MORN4: variants seen among roughly 807,000 people sequenced by gnomAD.
MORN4 encodes the protein MORN repeat-containing protein 4.
In MORN4, 8 loss-of-function variants were observed where a neutral mutation model predicts 16.4. That is an observed-to-expected ratio of 0.49 (90% CI 0.29 to 0.88). The LOEUF (loss-of-function observed/expected upper bound fraction) is 0.88. Ranked by LOEUF, MORN4 falls within the 40% of genes least tolerant of loss-of-function variation. The pLI is 0.09. For synonymous variants in MORN4, 53 were observed against 68.9 expected, an observed-to-expected ratio of 0.77 and a Z score of 1.14; for missense variants, 159 against 182.9, an observed-to-expected ratio of 0.87 and a Z score of 0.75.
intron 1 of MORN4, among the ~76,000 whole-genome samples, chr10:97,626,762 T>TA (rs1245183495): frequency 6.8e-6 from 1 of 147,198 alleles, no homozygotes; most frequent in Non-Finnish European, 1.5e-5. Flanking sequence ...AGATTTTTTT[T>TA]TTTTTTTTTT....
intron 1 of MORN4, among the ~76,000 whole-genome samples, chr10:97,626,399 ATAATCATAATC>A (rs768968171): frequency 2.6e-4 from 5 of 19,190 alleles, no homozygotes; most frequent in South Asian, 1.2e-3. Context: ...AATAATAATC[ATAATCATAATC>A]ATAATCATAA....
chr10:97,620,129 G>T (rs2041275437), intron 1 of MORN4, among the ~76,000 whole-genome samples: 1 of 151,858 alleles, frequency 6.6e-6, no homozygotes. Context: ...GACATGAGAT[G>T]GCCAGAATTT....
chr10:97,634,104 C>A (rs2041420959), upstream of MORN4, among the ~76,000 whole-genome samples: 1 of 152,122 alleles, frequency 6.6e-6, no homozygotes, highest in Admixed American at 6.6e-5. Context: ...AGTTCTAGAT[C>A]AGCCTGGGCA....
intron 1 of MORN4, among the ~76,000 whole-genome samples, chr10:97,629,998 T>C (rs1328532101): frequency 1.3e-5 from 2 of 148,372 alleles, no homozygotes; most frequent in Non-Finnish European, 3.0e-5. Context: ...GATCTCAGCT[T>C]ACTGCAAGCT....
At chr10:97,632,811 C>CTGGA (rs1260735206) in intron 1 of MORN4, among the ~76,000 whole-genome samples, 1 of 151,766 alleles carries the variant, frequency 6.6e-6, no homozygotes, top group Admixed American at 6.6e-5. Context: ...AATGCCAGGG[C>CTGGA]TGGACTCCGA....
At chr10:97,619,439 A>C (rs902703435) in intron 2 of MORN4, 148 bp downstream of exon 2, 3 of 684,768 alleles carry the variant, frequency 4.4e-6, no homozygotes, top group Non-Finnish European at 8.1e-6. Flanking sequence ...TTTAATCCTA[A>C]AATGGAATAA....
intron 1 of MORN4, among the ~76,000 whole-genome samples, chr10:97,625,001 A>C (rs2041335213): frequency 6.6e-6 from 1 of 152,210 alleles, no homozygotes; most frequent in African/African-American, 2.4e-5. Flanking sequence ...CATGAGCATC[A>C]GTGTTTTTAA....
chr10:97,629,860 G>A (rs186888726), intron 1 of MORN4, among the ~76,000 whole-genome samples: 33 of 152,002 alleles, frequency 2.2e-4, no homozygotes, highest in Non-Finnish European at 1.5e-4. Context: ...CCGGGTTCAA[G>A]CAATTCTCCT....
intron 2 of MORN4, among the ~76,000 whole-genome samples, chr10:97,618,795 T>C (rs949897519): frequency 1.4e-4 from 21 of 151,642 alleles, no homozygotes; most frequent in Admixed American, 3.9e-4. Context: ...TTGTTTTTTT[T>C]TTTTTTTTTC....
chr10:97,627,629 G>A (rs941741433), intron 1 of MORN4, among the ~76,000 whole-genome samples: 108 of 152,222 alleles, frequency 7.1e-4, no homozygotes, highest in African/African-American at 2.4e-3. Context: ...TTCATTTCTC[G>A]CCTAAATGAA....
At chr10:97,626,396 AT>A (rs2041347255) in intron 1 of MORN4, among the ~76,000 whole-genome samples, 2 of 14,646 alleles carry the variant, frequency 1.4e-4, no homozygotes, top group Non-Finnish European at 2.7e-4. Flanking sequence ...AATAATAATA[AT>A]CATAATCATA....
chr10:97,631,787 T>C (rs2041397780), intron 1 of MORN4, among the ~76,000 whole-genome samples: 1 of 151,962 alleles, frequency 6.6e-6, no homozygotes. Context: ...ATACAAAAAT[T>C]TGCTGGGTGT....
intron 2 of MORN4, 89 bp from the exon 3 acceptor site, chr10:97,617,411 C>A: frequency 1.1e-6 from 1 of 931,700 alleles, no homozygotes; most frequent in Non-Finnish European, 1.8e-6. Flanking sequence ...CCTGCCATCA[C>A]CCTACCCACA....
At chr10:97,631,010 C>T (rs1024612045) in intron 1 of MORN4, among the ~76,000 whole-genome samples, 4 of 152,074 alleles carry the variant, frequency 2.6e-5, no homozygotes, top group African/African-American at 9.7e-5. Flanking sequence ...GCCACGACAC[C>T]CAGCTAATTT....
At chr10:97,627,662 C>T (rs2041360602) in intron 1 of MORN4, among the ~76,000 whole-genome samples, 1 of 152,224 alleles carries the variant, frequency 6.6e-6, no homozygotes, top group South Asian at 2.1e-4. Flanking sequence ...GGAGACTCTT[C>T]TAGAGATATT....
chr10:97,624,001 G>T (rs184141136), intron 1 of MORN4, among the ~76,000 whole-genome samples: 1 of 152,034 alleles, frequency 6.6e-6, no homozygotes, highest in Non-Finnish European at 1.5e-5. Flanking sequence ...CTCCCAAAGT[G>T]CTGGGATTAC....
chr10:97,616,575 C>T, intron 4 of MORN4, 103 bp downstream of exon 4: 1 of 1,238,272 alleles, frequency 8.1e-7, no homozygotes. Context: ...TCAGGGACGG[C>T]CACTATGGAT....
chr10:97,629,528 C>A (rs957553128), intron 1 of MORN4, among the ~76,000 whole-genome samples: 1 of 152,174 alleles, frequency 6.6e-6, no homozygotes, highest in Non-Finnish European at 1.5e-5. Context: ...GAAAGCCAAG[C>A]CACACAGAAA....
rs757257117 is a variant in MORN4, at chr10:97,619,725, C to G, written c.-30-42G>C. On this transcript the variant is annotated intron_variant, in intron 1 of 4. Transcript: ENST00000307450. ...AAGGAGAACCAGTGTCATGGAATGG[C>G]GGGAGGAAAGGACTGCAAGGCAATT... 7 of 1,536,208 alleles carry G rather than the reference C, an allele frequency of 4.6e-6. No individual in the cohort carries two copies. In the African/African-American group the frequency reaches 6.8e-5, roughly 15 times the overall value.
Sources: gnomAD v4.1 joint callset for allele counts (sites outside exome capture counted in the v4.1 genomes callset) on GRCh38, gnomAD v4.1.1 for gene constraint, MANE v1.5 for transcripts, NCBI Gene and HGNC (gene_info 2026-07-23, HGNC 2026-07-21) for gene names.